Variants in CHP1 observed in about 807,000 individuals in gnomAD.
CHP1 encodes the protein calcineurin like EF-hand protein 1.
A neutral mutation model predicts 27.4 loss-of-function variants in CHP1; 11 were observed. The observed-to-expected ratio is 0.40, with a 90% CI of 0.25 to 0.67. The LOEUF is 0.67. Ranked by LOEUF, CHP1 falls within the 30% of genes least tolerant of loss-of-function variation. The probability of loss-of-function intolerance (pLI) is 0.38; values close to 1 mark genes in which losing one functional copy is unlikely to be tolerated. For missense variants in CHP1, 169 were observed against 251.3 expected (o/e 0.67, Z 2.22); for synonymous variants, 89 against 87.4 (o/e 1.02, Z -0.10).
chr15:41,270,274 G>C (rs536349610), intron 4 of CHP1, among the ~76,000 whole-genome samples: 4 of 151,914 alleles, frequency 2.6e-5, no homozygotes, highest in South Asian at 2.1e-4. Flanking sequence ...TTTGGGGGGG[G>C]GCGTTTAACA....
intron 5 of CHP1, among the ~76,000 whole-genome samples, chr15:41,274,790 G>GTTTTT (rs34053067): frequency 3.3e-5 from 4 of 120,716 alleles, no homozygotes; most frequent in South Asian, 2.7e-4. Context: ...CATTGTCTTT[G>GTTTTT]TTTTTTTTTT....
chr15:41,264,194 A>C (rs2047448806), intron 4 of CHP1: 1 of 1,286,146 alleles, frequency 7.8e-7, no homozygotes. Flanking sequence ...ATAGAGAGAG[A>C]TCGAGACTGA....
At chr15:41,256,872 A>G (rs763652008) in intron 2 of CHP1, 38 bp from the exon 3 acceptor site, 4 of 1,558,984 alleles carry the variant, frequency 2.6e-6, no homozygotes, top group Admixed American at 1.7e-5. Flanking sequence ...TGCTAAGGGC[A>G]ATGATCTCTA....
chr15:41,254,575 TATGA>T (rs1260816918), intron 2 of CHP1, among the ~76,000 whole-genome samples: 2 of 152,250 alleles, frequency 1.3e-5, no homozygotes. Flanking sequence ...CCAGTTATCT[TATGA>T]ATGACTTCTT....
Position 41,243,268 on chromosome 15 carries a change from G to T in CHP1, c.68-399G>T, listed in dbSNP as rs1470464985. On this transcript the variant is annotated intron_variant, in intron 1 of 6. Coordinates refer to ENST00000334660, the MANE Select transcript of CHP1 (RefSeq NM_007236.5). ...AGGCAGGAGAGTTGCTTGAACCCGG[G>T]AGGCAGAGGTGGCAGTGAGTGAGAT... Among the ~76,000 whole-genome samples the T allele has an allele frequency of 4.6e-5, 7 of 152,258 alleles. 1 individual carries two copies. The highest frequency in any genetic ancestry group is 3.9e-4 in the Admixed American group (6 of 15,292).
At chr15:41,270,704 A>G (rs189943390) in intron 5 of CHP1, 86 bp downstream of exon 5, 35 of 1,027,106 alleles carry the variant, frequency 3.4e-5, no homozygotes, top group African/African-American at 2.5e-4. Context: ...TTTAGTAAGC[A>G]TTTATTTAAT....
At chr15:41,245,883 C>T (rs1459902500) in intron 2 of CHP1, among the ~76,000 whole-genome samples, 5 of 152,066 alleles carry the variant, frequency 3.3e-5, no homozygotes, top group Non-Finnish European at 7.4e-5. Context: ...ATTGCCAAAT[C>T]CAGTGTCCCA....
At chr15:41,271,966 A>G (rs2140942193) in intron 5 of CHP1, among the ~76,000 whole-genome samples, 1 of 152,312 alleles carries the variant, frequency 6.6e-6, no homozygotes, top group East Asian at 1.9e-4. Context: ...ACCTCAGGTT[A>G]TCCACCCGCC....
intron 2 of CHP1, among the ~76,000 whole-genome samples, chr15:41,249,921 A>G (rs747662801): frequency 3.3e-5 from 5 of 151,346 alleles, no homozygotes; most frequent in Non-Finnish European, 7.4e-5. Flanking sequence ...TACAGTGTAC[A>G]GTCTGGGGCA....
At chr15:41,239,901 C>T (rs1029715432) in intron 1 of CHP1, among the ~76,000 whole-genome samples, 8 of 152,084 alleles carry the variant, frequency 5.3e-5, no homozygotes, top group Non-Finnish European at 1.2e-4. Context: ...CTCAGCCTCC[C>T]GAGTAGCTGG....
intron 4 of CHP1, among the ~76,000 whole-genome samples, chr15:41,267,302 G>T (rs2047466361): frequency 6.6e-6 from 1 of 151,930 alleles, no homozygotes; most frequent in African/African-American, 2.4e-5. Flanking sequence ...AGTACTTAAT[G>T]CCACGGAACT....
intron 1 of CHP1, among the ~76,000 whole-genome samples, chr15:41,243,294 C>T (rs1043336307): frequency 1.1e-4 from 17 of 151,486 alleles, no homozygotes; most frequent in Admixed American, 1.1e-3. Context: ...TGAGTGAGAT[C>T]GTGCCACTGC....
rs191373195 is a variant in CHP1 at position 41,270,545 on chromosome 15, T to C, written c.350-12T>C. The C allele has an allele frequency of 4.2e-3, 6,846 of 1,611,274 alleles. 46 individuals carry two copies. Among genetic ancestry groups the C allele is most frequent in the South Asian group, 0.019 (1,753 of 90,990 alleles). ...ACAGAATTTTGACTAACTTTGTGTT[T>C]TTCCCTTACAGTTGCTTTTCGACTA... On this transcript the variant is annotated splice_polypyrimidine_tract_variant and intron_variant, in intron 4 of 6. Coordinates refer to ENST00000334660, the MANE Select transcript of CHP1 (RefSeq NM_007236.5).
intron 5 of CHP1, among the ~76,000 whole-genome samples, chr15:41,276,293 T>G (rs1595483749): frequency 6.8e-6 from 1 of 146,550 alleles, no homozygotes; most frequent in African/African-American, 2.5e-5. Flanking sequence ...AGTAAAGGAG[T>G]GGAGGAAAGG....
intron 2 of CHP1, among the ~76,000 whole-genome samples, chr15:41,253,477 A>G (rs2047381643): frequency 6.8e-6 from 1 of 147,454 alleles, no homozygotes; most frequent in Non-Finnish European, 1.5e-5. Context: ...TTATTTTGAG[A>G]CGGAGTCTTG....
chr15:41,236,467 G>A (rs1359815902), intron 1 of CHP1, among the ~76,000 whole-genome samples: 1 of 151,958 alleles, frequency 6.6e-6, no homozygotes, highest in Non-Finnish European at 1.5e-5. Flanking sequence ...TCACCATGTT[G>A]CCCAGGCTGG....
intron 1 of CHP1, among the ~76,000 whole-genome samples, chr15:41,240,800 T>C (rs962436196): frequency 1.4e-5 from 2 of 146,594 alleles, no homozygotes; most frequent in African/African-American, 5.0e-5. Context: ...AAAATGGCAG[T>C]GTTGGGATTG....
intron 1 of CHP1, among the ~76,000 whole-genome samples, chr15:41,240,759 A>T (rs896763826): frequency 2.6e-5 from 4 of 151,916 alleles, no homozygotes; most frequent in African/African-American, 7.2e-5. Flanking sequence ...ATCTCAAAAA[A>T]AAAAAAAAAA....
rs532301199 is a variant in CHP1 at position 41,257,741 on chromosome 15, G to A, written c.221+751G>A. On this transcript the variant is annotated intron_variant, in intron 3 of 6. Transcript: ENST00000334660. ...TACCTGGCTAATTTTTGTATTTTTA[G>A]TAGAGACAGGGTTTCACCATGTTGG... 4.3e-4 allele frequency among the ~76,000 whole-genome samples: 65 copies of A among 151,934 alleles called. 2 individuals carry two copies. In the Middle Eastern group the frequency reaches 0.017, roughly 40 times the overall value.
Sources: allele counts gnomAD v4.1 joint callset (sites outside exome capture counted in the v4.1 genomes callset), GRCh38; gene constraint gnomAD v4.1.1; transcripts MANE v1.5; gene names NCBI Gene and HGNC (gene_info 2026-07-23, HGNC 2026-07-21).